PALLD: variants seen among roughly 807,000 people sequenced by gnomAD.
PALLD encodes the protein palladin, cytoskeletal associated protein.
A neutral mutation model predicts 123.5 loss-of-function variants in PALLD; 61 were observed. The observed-to-expected ratio is 0.49, with a 90% CI of 0.40 to 0.61. The LOEUF is 0.61. Ranked by LOEUF, PALLD falls within the 20% of genes least tolerant of loss-of-function variation. PALLD has a pLI of 0.00. For missense variants in PALLD, 1,273 were observed against 1,377.0 expected (o/e 0.92, Z 1.20); for synonymous variants, 465 against 496.4 (o/e 0.94, Z 0.84).
intron 2 of PALLD, among the ~76,000 whole-genome samples, chr4:168,591,856 T>C (rs1284130697): frequency 6.6e-6 from 1 of 152,160 alleles, no homozygotes; most frequent in African/African-American, 2.4e-5. Context: ...TGTTCAATGT[T>C]ATCTGTGGAG....
intron 2 of PALLD, among the ~76,000 whole-genome samples, chr4:168,594,638 T>C (rs894398384): frequency 5.3e-5 from 8 of 152,146 alleles, no homozygotes; most frequent in Non-Finnish European, 8.8e-5. Context: ...TGGTGCCCAA[T>C]TGGGATATAT....
At chr4:168,673,162 C>T (rs941578634) in intron 3 of PALLD, among the ~76,000 whole-genome samples, 15 of 152,178 alleles carry the variant, frequency 9.9e-5, no homozygotes, top group Non-Finnish European at 8.8e-5. Context: ...CACACAGCAG[C>T]GAACAAGCAG....
At chr4:168,728,270 G>A (rs978386276) in intron 10 of PALLD, among the ~76,000 whole-genome samples, 1 of 152,256 alleles carries the variant, frequency 6.6e-6, no homozygotes, top group Middle Eastern at 3.4e-3. Flanking sequence ...GACAGGAATA[G>A]CATTGAATCT....
At chr4:168,616,263 T>C (rs1774217038) in intron 2 of PALLD, among the ~76,000 whole-genome samples, 1 of 152,248 alleles carries the variant, frequency 6.6e-6, no homozygotes, top group African/African-American at 2.4e-5. Flanking sequence ...TGGAGATGCT[T>C]AAACCTTTTC....
chr4:168,771,069 AAAAAAAC>A (rs199905543), intron 10 of PALLD, among the ~76,000 whole-genome samples: 47,104 of 120,512 alleles, frequency 0.39, 8,310 homozygotes, highest in Non-Finnish European at 0.45. Flanking sequence ...TCTCAAAAAA[AAAAAAAC>A]AAAAAAAAAA....
At chr4:168,912,505 T>C (rs972471837) in intron 15 of PALLD, among the ~76,000 whole-genome samples, 1 of 152,224 alleles carries the variant, frequency 6.6e-6, no homozygotes, top group Non-Finnish European at 1.5e-5. Flanking sequence ...AAAGTAACAA[T>C]GTGTGGCTTA....
intron 10 of PALLD, among the ~76,000 whole-genome samples, chr4:168,806,419 C>G (rs955688243): frequency 1.3e-5 from 2 of 152,150 alleles, no homozygotes; most frequent in East Asian, 3.9e-4. Flanking sequence ...CTTTCTCTCT[C>G]CAACTCCACC....
chr4:168,915,257 T>G (rs1759867339), intron 16 of PALLD, among the ~76,000 whole-genome samples: 5 of 152,214 alleles, frequency 3.3e-5, no homozygotes. Flanking sequence ...TCAACATCTT[T>G]TAAGTCTTCC....
chr4:168,778,088 G>T (rs1468648110), intron 10 of PALLD, among the ~76,000 whole-genome samples: 1 of 151,890 alleles, frequency 6.6e-6, no homozygotes, highest in Non-Finnish European at 1.5e-5. Flanking sequence ...ACAAGGAAAA[G>T]GAAAAAAGGG....
intron 10 of PALLD, among the ~76,000 whole-genome samples, chr4:168,843,670 A>C (rs978596016): frequency 1.6e-4 from 25 of 152,196 alleles, no homozygotes; most frequent in African/African-American, 5.1e-4. Context: ...AGACATAGAC[A>C]TGGTGGTGAT....
At chr4:168,910,431 C>T (rs1405241532) in intron 15 of PALLD, among the ~76,000 whole-genome samples, 1 of 152,038 alleles carries the variant, frequency 6.6e-6, no homozygotes, top group Non-Finnish European at 1.5e-5. Flanking sequence ...AGTCTGCCTC[C>T]TGTGCCAAAG....
At chr4:168,755,333 A>G (rs1731687117) in intron 10 of PALLD, among the ~76,000 whole-genome samples, 1 of 152,054 alleles carries the variant, frequency 6.6e-6, no homozygotes, top group South Asian at 2.1e-4. Flanking sequence ...AAATATGGGC[A>G]GGGACTTGAA....
chr4:168,694,957 C>T (rs1782999988), intron 8 of PALLD, among the ~76,000 whole-genome samples: 1 of 152,150 alleles, frequency 6.6e-6, no homozygotes. Flanking sequence ...ACAGAAGACT[C>T]ATTTGACAGC....
chr4:168,766,818 C>T (rs565875301), intron 10 of PALLD, among the ~76,000 whole-genome samples: 29 of 152,238 alleles, frequency 1.9e-4, no homozygotes, highest in Admixed American at 9.8e-4. Context: ...TGTTTTTCTA[C>T]GTCTAGCCAA....
chr4:168,517,903 T>G (rs1338815633), intron 2 of PALLD, among the ~76,000 whole-genome samples: 1 of 152,132 alleles, frequency 6.6e-6, no homozygotes, highest in African/African-American at 2.4e-5. Context: ...GTACAACCAG[T>G]TTGGAGAACT....
intron 10 of PALLD, among the ~76,000 whole-genome samples, chr4:168,825,057 C>T (rs1743238766): frequency 6.6e-6 from 1 of 151,054 alleles, no homozygotes; most frequent in African/African-American, 2.5e-5. Flanking sequence ...CTCAAGTGAT[C>T]CTCCCACCTT....
chr4:168,781,697 C>T (rs1735948818), intron 10 of PALLD, among the ~76,000 whole-genome samples: 1 of 152,026 alleles, frequency 6.6e-6, no homozygotes, highest in South Asian at 2.1e-4. Context: ...TTTAGTAGGG[C>T]TGGTTACAAG....
chr4:168,877,878 C>T (rs1581868977), intron 10 of PALLD: 4 of 1,433,520 alleles, frequency 2.8e-6, no homozygotes, highest in African/African-American at 3.0e-5. Context: ...ACGCCGCCCG[C>T]GTCCCCGGAG....
intron 2 of PALLD, among the ~76,000 whole-genome samples, chr4:168,556,136 C>A (rs1767267732): frequency 1.3e-5 from 2 of 151,854 alleles, no homozygotes; most frequent in Admixed American, 1.3e-4. Context: ...CACTCTGTCG[C>A]CCAGGCTGGA....
Sources: gnomAD v4.1 joint callset for allele counts (sites outside exome capture counted in the v4.1 genomes callset) on GRCh38, gnomAD v4.1.1 for gene constraint, MANE v1.5 for transcripts, NCBI Gene and HGNC (gene_info 2026-07-23, HGNC 2026-07-21) for gene names.